Variants in SOS1 observed in about 807,000 individuals in gnomAD.
The protein encoded by SOS1 is son of sevenless homolog 1.
A neutral mutation model predicts 157.6 loss-of-function variants in SOS1; 25 were observed. The observed-to-expected ratio is 0.16, with a 90% CI of 0.12 to 0.22. The LOEUF is 0.22. Ranked by LOEUF, SOS1 falls within the 10% of genes least tolerant of loss-of-function variation. The pLI is 1.00. For synonymous variants in SOS1, 528 were observed against 534.0 expected (o/e 0.99, Z 0.16); for missense variants, 1,237 against 1,599.1 (o/e 0.77, Z 3.86).
chr2:39,112,670 T>C lies in SOS1; in HGVS notation c.87+7666A>G, dbSNP rs546842159. 1.1e-4 allele frequency among the ~76,000 whole-genome samples: 17 copies of C among 152,336 alleles called. No individual in the cohort carries two copies. In the East Asian group the frequency reaches 3.3e-3, roughly 29 times the overall value. On this transcript the variant is annotated intron_variant, in intron 1 of 22. Coordinates refer to ENST00000402219, the MANE Select transcript of SOS1 (RefSeq NM_005633.4). ...CAGCAGCAATTCCCAGACTTCATTATTCCTTCTAAAGTCCTTACTACTTTC... is the reference window on the plus strand; with the variant it reads ...CAGCAGCAATTCCCAGACTTCATTACTCCTTCTAAAGTCCTTACTACTTTC...
In SOS1 at chr2:38,997,101, T is replaced by A. The variant is rs1013086112; in HGVS notation, c.2965-63A>T. 15 of 1,102,752 alleles carry A rather than the reference T, an allele frequency of 1.4e-5. No homozygotes were observed. The African/African-American group carries it at 2.4e-4, about 17-fold the overall frequency. The allele number at this position is 1,102,752 out of a possible 1,614,324, so 68.3% of individuals were successfully genotyped here. A position where few individuals can be genotyped will look rare whatever the true frequency, so the allele number is the denominator to read the frequency against. ...AATTATAAATTCAGTTTGAAATTCA[T>A]GGAAAGTTAAGAAAACATTTAATAC... On this transcript the variant is annotated intron_variant, in intron 18 of 22. Transcript: ENST00000402219.
intron 1 of SOS1, among the ~76,000 whole-genome samples, chr2:39,119,208 A>G (rs186893736): frequency 6.6e-6 from 1 of 152,156 alleles, no homozygotes; most frequent in East Asian, 1.9e-4. Context: ...TCTGTTTTTT[A>G]AAAAAAATTA....
intron 2 of SOS1, among the ~76,000 whole-genome samples, chr2:39,067,367 T>C (rs1463482745): frequency 1.3e-5 from 2 of 152,082 alleles, no homozygotes; most frequent in Non-Finnish European, 2.9e-5. Context: ...ACATCAGAGT[T>C]TGGGTTTTTG....
intron 1 of SOS1, among the ~76,000 whole-genome samples, chr2:39,081,697 C>G (rs191060930): frequency 1.3e-5 from 2 of 151,568 alleles, no homozygotes; most frequent in African/African-American, 4.9e-5. Context: ...TGGCGGCGGG[C>G]GCCTGTAATC....
intron 1 of SOS1, among the ~76,000 whole-genome samples, chr2:39,074,713 C>T (rs980163478): frequency 1.3e-5 from 2 of 151,780 alleles, no homozygotes; most frequent in South Asian, 2.1e-4. Flanking sequence ...ACTAAAAATA[C>T]AAAATTAGCC....
Position 39,022,855 on chromosome 2 carries a change from T to C in SOS1, c.1573A>G (p.Ile525Val), listed in dbSNP as rs1359371990. 3 of 1,612,656 alleles carry C rather than the reference T, an allele frequency of 1.9e-6. No homozygotes were observed. The highest frequency in any genetic ancestry group is 2.5e-6 in the Non-Finnish European group (3 of 1,178,938). The stretch of plus-strand genomic sequence containing the variant: ...TCTTCAGCTGACTTGGCAGAAAATA[T>C]AACACTATTTTCATCTTTTAAAATT... The part of the protein sequence containing the change: ...EIILKDENSV[I>V]FSAKSAEEKN... The change falls in exon 10 of 23, where the codon ATA becomes GTA. Residue 525 changes from isoleucine (I) to valine (V), a missense_variant. This residue lies in a region of SOS1 where 210 missense variants were observed against 220.2 expected (regional missense o/e 0.95). Coordinates refer to ENST00000402219, the MANE Select transcript of SOS1 (RefSeq NM_005633.4).
chr2:39,090,041 G>A (rs1015817183), intron 1 of SOS1, among the ~76,000 whole-genome samples: 13 of 150,672 alleles, frequency 8.6e-5, no homozygotes, highest in African/African-American at 3.2e-4. Flanking sequence ...TTGGGAGGCT[G>A]AGGCCAGAGA....
chr2:38,990,701 A>C, intron 20 of SOS1, among the ~76,000 whole-genome samples: 1 of 152,208 alleles, frequency 6.6e-6, no homozygotes, highest in Non-Finnish European at 1.5e-5. Context: ...TTACAACTAT[A>C]GTCTTTAATT....
intron 1 of SOS1, among the ~76,000 whole-genome samples, chr2:39,074,792 G>A (rs776479032): frequency 9.2e-5 from 14 of 151,936 alleles, no homozygotes; most frequent in South Asian, 4.2e-4. Flanking sequence ...GCTTGAACCC[G>A]GGAGGCGGAG....
chr2:39,052,644 G>A (rs1209768387), intron 5 of SOS1, among the ~76,000 whole-genome samples: 1 of 152,098 alleles, frequency 6.6e-6, no homozygotes, highest in Non-Finnish European at 1.5e-5. Flanking sequence ...TTATTCCTGA[G>A]TAGCATTCCA....
chr2:39,109,593 C>A (rs1673336239), intron 1 of SOS1, among the ~76,000 whole-genome samples: 1 of 152,136 alleles, frequency 6.6e-6, no homozygotes, highest in Non-Finnish European at 1.5e-5. Context: ...TCAAAAAAGG[C>A]AACACACTGG....
At chr2:39,068,364 G>T (rs1326367017) in intron 1 of SOS1, among the ~76,000 whole-genome samples, 1 of 152,140 alleles carries the variant, frequency 6.6e-6, no homozygotes, top group Non-Finnish European at 1.5e-5. Flanking sequence ...GATACAGTTT[G>T]TATGTTTTTG....
intron 17 of SOS1, 108 bp downstream of exon 17, chr2:39,006,304 C>T (rs561653740): frequency 1.0e-5 from 8 of 765,982 alleles, no homozygotes; most frequent in South Asian, 9.8e-5. Flanking sequence ...ATTGATCAAA[C>T]AAGTATTTTC....
intron 20 of SOS1, among the ~76,000 whole-genome samples, chr2:38,994,851 A>G (rs1668840914): frequency 6.6e-6 from 1 of 152,194 alleles, no homozygotes; most frequent in African/African-American, 2.4e-5. Context: ...TGCATTTGAA[A>G]AGCTCAAATG....
At chr2:39,087,375 G>A (rs1376781934) in intron 1 of SOS1, among the ~76,000 whole-genome samples, 1 of 152,216 alleles carries the variant, frequency 6.6e-6, no homozygotes, top group Non-Finnish European at 1.5e-5. Context: ...TAACAGCCAT[G>A]TTTACATAAT....
chr2:39,023,245 A>G lies in SOS1; in HGVS notation c.1203-20T>C, dbSNP rs112906251. 13,052 of 1,590,624 alleles carry G rather than the reference A, an allele frequency of 8.2e-3. 86 individuals are homozygous for G. Among genetic ancestry groups the G allele is most frequent in the Middle Eastern group, 0.039 (237 of 6,022 alleles). ...GATTCACTGGAATAAAGAAAAAGAC[A>G]TTATTAGTACATAGATGACAGAAAA... is the stretch of plus-strand genomic sequence containing the variant. On this transcript the variant is annotated intron_variant, in intron 9 of 22. Coordinates refer to ENST00000402219, the MANE Select transcript of SOS1 (RefSeq NM_005633.4).
In SOS1 at chr2:39,067,658, T is replaced by C; in HGVS notation, c.183A>G (p.Gln61=). Residue 61 remains glutamine, a synonymous_variant, in exon 2 of 23, where the codon CAA becomes CAG. Transcript: ENST00000402219. Reference sequence around the variant, plus strand: ...CATCTGAAGCACTTCGGGGCTGAGCTTGGCATAGCATATTTAATAATTGCA... The same window carrying C: ...CATCTGAAGCACTTCGGGGCTGAGCCTGGCATAGCATATTTAATAATTGCA... The part of the protein sequence containing the change: ...LILQLLNMLC[Q]AQPRSASDVE... The C allele has an allele frequency of 6.2e-7, 1 of 1,613,482 alleles. No individual in the cohort carries two copies. The highest frequency in any genetic ancestry group is 8.5e-7 in the Non-Finnish European group (1 of 1,179,408).
Position 38,996,957 on chromosome 2 carries a change from T to C in SOS1, c.3046A>G (p.Ile1016Val), listed in dbSNP as rs1668914918. 1 of 1,600,648 alleles carries C rather than the reference T, an allele frequency of 6.2e-7. No homozygotes were observed. Among genetic ancestry groups the C allele is most frequent in the East Asian group, 2.2e-5 (1 of 44,656 alleles). Reference sequence around the variant, plus strand: ...AGAGGCTTAGGGTTTCGTGGTTCTATTTCTAGGGATTTGTTGAAAAGATAA... The same window carrying C: ...AGAGGCTTAGGGTTTCGTGGTTCTACTTCTAGGGATTTGTTGAAAAGATAA... The part of the protein sequence containing the change: ...TDYLFNKSLE[I>V]EPRNPKPLPR... Residue 1016 changes from isoleucine to valine, a missense_variant, in exon 19 of 23, where the codon ATA (isoleucine) becomes GTA (valine). Ile to Val is a conservative substitution (Grantham distance 29). Coordinates refer to ENST00000402219, the MANE Select transcript of SOS1 (RefSeq NM_005633.4).
At chr2:39,041,537 T>C (rs1395950076) in intron 6 of SOS1, among the ~76,000 whole-genome samples, 1 of 152,246 alleles carries the variant, frequency 6.6e-6, no homozygotes, top group African/African-American at 2.4e-5. Context: ...TTTGAAGAAG[T>C]CCAAATTATC....
Sources: allele counts gnomAD v4.1 joint callset (sites outside exome capture counted in the v4.1 genomes callset), GRCh38; gene constraint gnomAD v4.1.1; regional missense constraint gnomAD v4.1.1; transcripts MANE v1.5; gene names NCBI Gene and HGNC (gene_info 2026-07-23, HGNC 2026-07-21).